Variants in SULF1 observed in about 807,000 individuals in gnomAD.
SULF1 encodes extracellular sulfatase Sulf-1.
A neutral mutation model predicts 110.5 loss-of-function variants in SULF1; 46 were observed. The ratio of observed to expected loss-of-function variants is 0.42; its 90% CI spans 0.33 to 0.53. The LOEUF is 0.53. SULF1 is among the 20% of genes least tolerant of loss of function. The pLI is 0.12. For synonymous variants in SULF1, 371 were observed against 387.1 expected, an observed-to-expected ratio of 0.96 and a Z score of 0.49; for missense variants, 941 against 1,094.2, an observed-to-expected ratio of 0.86 and a Z score of 1.98.
intron 3 of SULF1, among the ~76,000 whole-genome samples, chr8:69,502,937 T>C (rs537077774): frequency 2.3e-4 from 35 of 152,046 alleles, no homozygotes; most frequent in Non-Finnish European, 3.5e-4. Context: ...TCCACCTACC[T>C]CAGCCTCCTA....
chr8:69,629,778 G>A (rs1366066080), intron 19 of SULF1, 99 bp downstream of exon 19: 2 of 1,120,536 alleles, frequency 1.8e-6, no homozygotes, highest in East Asian at 2.4e-5. Flanking sequence ...AATCTACAAA[G>A]ATTCAAGAGA....
chr8:69,478,493 A>G (rs1358277900), intron 1 of SULF1, among the ~76,000 whole-genome samples: 1 of 152,108 alleles, frequency 6.6e-6, no homozygotes, highest in Non-Finnish European at 1.5e-5. Flanking sequence ...CTGAATTTAC[A>G]TCTTTACTTC....
At chr8:69,580,430 C>A (rs527458042) in intron 6 of SULF1, among the ~76,000 whole-genome samples, 24 of 151,746 alleles carry the variant, frequency 1.6e-4, no homozygotes, top group East Asian at 3.9e-4. Context: ...TTAACAACAA[C>A]AAAAAAAACT....
At chr8:69,601,140 A>G (rs1807772788) in intron 9 of SULF1, among the ~76,000 whole-genome samples, 1 of 152,262 alleles carries the variant, frequency 6.6e-6, no homozygotes, top group Non-Finnish European at 1.5e-5. Flanking sequence ...AGAAATGTGG[A>G]TCAAGTATCA....
chr8:69,594,200 C>T (rs895880643), intron 8 of SULF1, among the ~76,000 whole-genome samples: 11 of 152,074 alleles, frequency 7.2e-5, no homozygotes, highest in African/African-American at 1.9e-4. Context: ...TACAGGCATG[C>T]GCCACCACGC....
chr8:69,530,059 C>A (rs571090261), intron 3 of SULF1, among the ~76,000 whole-genome samples: 1 of 152,192 alleles, frequency 6.6e-6, no homozygotes, highest in Non-Finnish European at 1.5e-5. Flanking sequence ...GCAAGACCAA[C>A]AGAGAGATGA....
intron 3 of SULF1, among the ~76,000 whole-genome samples, chr8:69,556,626 A>G (rs2150705634): frequency 6.6e-6 from 1 of 152,318 alleles, no homozygotes; most frequent in Non-Finnish European, 1.5e-5. Flanking sequence ...GATATATAAA[A>G]CCAAAGGCAA....
At chr8:69,526,571 A>G (rs1408865695) in intron 3 of SULF1, among the ~76,000 whole-genome samples, 2 of 148,080 alleles carry the variant, frequency 1.4e-5, no homozygotes, top group Non-Finnish European at 3.0e-5. Flanking sequence ...AGACCAGCCT[A>G]GGCAACATAG....
intron 3 of SULF1, among the ~76,000 whole-genome samples, chr8:69,555,200 T>A (rs139000949): frequency 5.1e-4 from 78 of 152,276 alleles, no homozygotes; most frequent in African/African-American, 1.9e-3. Context: ...GAAATGTGAA[T>A]GCCTCCTTCA....
chr8:69,576,330 T>A, intron 6 of SULF1, 121 bp downstream of exon 6: 1 of 1,199,004 alleles, frequency 8.3e-7, no homozygotes, highest in Non-Finnish European at 1.2e-6. Context: ...CAAGTGTTTT[T>A]AAACTGCTTG....
intron 3 of SULF1, among the ~76,000 whole-genome samples, chr8:69,556,200 A>G (rs1417437227): frequency 1.3e-5 from 2 of 152,160 alleles, no homozygotes; most frequent in African/African-American, 2.4e-5. Context: ...ATGGGGTACT[A>G]GTGAAATGTA....
Position 69,629,554 on chromosome 8 carries a change from A to C in SULF1, c.2159A>C (p.Asn720Thr), listed in dbSNP as rs1457692928. Residue 720 changes from asparagine to threonine, a missense_variant, in exon 19 of 23, where the codon AAC becomes ACC. Transcript: ENST00000402687. The part of the protein sequence containing the change: ...DSKLQLFKEN[N>T]RRRKKERKEK... Reference sequence around the variant, plus strand: ...AAACTGCAACTTTTCAAGGAGAACAACCGTAGGAGGAAGAAGGAGAGGAAG... The same window carrying C: ...AAACTGCAACTTTTCAAGGAGAACACCCGTAGGAGGAAGAAGGAGAGGAAG... 11 of 1,613,982 alleles carry C rather than the reference A, an allele frequency of 6.8e-6. No homozygotes were observed. The highest frequency in any genetic ancestry group is 6.8e-6 in the Non-Finnish European group (8 of 1,179,952).
At chr8:69,611,106 A>G (rs1808619523) in intron 13 of SULF1, among the ~76,000 whole-genome samples, 1 of 152,232 alleles carries the variant, frequency 6.6e-6, no homozygotes, top group African/African-American at 2.4e-5. Context: ...GCCTATGTGC[A>G]AGTTTCTTAA....
intron 5 of SULF1, among the ~76,000 whole-genome samples, chr8:69,568,128 A>C (rs780703320): frequency 1.3e-5 from 2 of 152,206 alleles, no homozygotes; most frequent in Non-Finnish European, 2.9e-5. Context: ...CAAGTGCTTT[A>C]ATAAATCTTC....
At chr8:69,599,142 C>G (rs372785510) in intron 8 of SULF1, among the ~76,000 whole-genome samples, 1 of 152,202 alleles carries the variant, frequency 6.6e-6, no homozygotes, top group Non-Finnish European at 1.5e-5. Flanking sequence ...GTGGAGGACT[C>G]GGTCAAGACT....
intron 13 of SULF1, among the ~76,000 whole-genome samples, chr8:69,618,928 C>T (rs1387553711): frequency 1.3e-5 from 2 of 152,178 alleles, no homozygotes; most frequent in Admixed American, 1.3e-4. Context: ...ATCAGCAAAG[C>T]CATCTGGGAC....
intron 22 of SULF1, among the ~76,000 whole-genome samples, chr8:69,657,932 G>A (rs1027854746): frequency 1.3e-5 from 2 of 152,084 alleles, no homozygotes; most frequent in African/African-American, 4.8e-5. Flanking sequence ...GAACTTTCAG[G>A]GCAAAAACAA....
At chr8:69,526,611 A>AAAAG (rs1274000804) in intron 3 of SULF1, among the ~76,000 whole-genome samples, 20 of 135,894 alleles carry the variant, frequency 1.5e-4, no homozygotes, top group Non-Finnish European at 1.9e-4. Context: ...AAAAAAAAAA[A>AAAAG]AAAGAAAGAA....
intron 3 of SULF1, among the ~76,000 whole-genome samples, chr8:69,560,782 G>T (rs1206673809): frequency 6.6e-6 from 1 of 152,146 alleles, no homozygotes; most frequent in African/African-American, 2.4e-5. Context: ...AGGATGACAG[G>T]CTTTAAAAGG....
Sources: allele counts gnomAD v4.1 joint callset (sites outside exome capture counted in the v4.1 genomes callset), GRCh38; gene constraint gnomAD v4.1.1; transcripts MANE v1.5; gene names NCBI Gene and HGNC (gene_info 2026-07-23, HGNC 2026-07-21).